CSNK1G1: variants seen among roughly 807,000 people sequenced by gnomAD.
The protein encoded by CSNK1G1 is casein kinase 1 gamma 1.
In CSNK1G1, 22 loss-of-function variants were observed where a neutral mutation model predicts 59.6. The observed-to-expected ratio is 0.37, with a 90% CI of 0.26 to 0.53. The LOEUF (loss-of-function observed/expected upper bound fraction) is 0.53. CSNK1G1 is among the 20% of genes least tolerant of loss of function. The pLI is 0.89. For synonymous variants in CSNK1G1, 179 were observed against 177.1 expected (o/e 1.01, Z -0.08); for missense variants, 384 against 519.5 (o/e 0.74, Z 2.54).
intron 1 of CSNK1G1, among the ~76,000 whole-genome samples, chr15:64,306,958 T>C (rs1391894017): frequency 1.8e-5 from 2 of 113,272 alleles, no homozygotes; most frequent in African/African-American, 3.4e-5. Flanking sequence ...AAAAGATCAA[T>C]GGTTGCCAGA....
At chr15:64,343,056 T>C (rs1897756760) in intron 1 of CSNK1G1, among the ~76,000 whole-genome samples, 1 of 152,038 alleles carries the variant, frequency 6.6e-6, no homozygotes. Flanking sequence ...CTATTAAAAA[T>C]ACAAAATTAG....
intron 2 of CSNK1G1, among the ~76,000 whole-genome samples, chr15:64,271,878 G>C (rs1249006354): frequency 6.6e-6 from 1 of 152,056 alleles, no homozygotes; most frequent in East Asian, 1.9e-4. Context: ...TTATTGTGTG[G>C]GAGTCTACAT....
At chr15:64,306,023 C>A (rs1241559827) in intron 1 of CSNK1G1, among the ~76,000 whole-genome samples, 1 of 152,068 alleles carries the variant, frequency 6.6e-6, no homozygotes, top group East Asian at 1.9e-4. Flanking sequence ...ATGTAAAACA[C>A]AAAATGATAA....
chr15:64,177,087 G>A (rs1209634113), intron 11 of CSNK1G1, among the ~76,000 whole-genome samples: 1 of 152,132 alleles, frequency 6.6e-6, no homozygotes. Context: ...GAGAAAAAGG[G>A]AATTCACATG....
At chr15:64,224,480 A>G (rs576407122) in intron 4 of CSNK1G1, among the ~76,000 whole-genome samples, 1 of 152,332 alleles carries the variant, frequency 6.6e-6, no homozygotes. Flanking sequence ...GAAACAATGC[A>G]TTATTACAAA....
chr15:64,345,098 G>T (rs571113253), intron 1 of CSNK1G1, among the ~76,000 whole-genome samples: 2 of 152,172 alleles, frequency 1.3e-5, no homozygotes, highest in Non-Finnish European at 2.9e-5. Flanking sequence ...ATATTTAGAT[G>T]TCATTATACC....
intron 1 of CSNK1G1, among the ~76,000 whole-genome samples, chr15:64,311,968 T>C (rs1418385967): frequency 2.0e-5 from 3 of 152,036 alleles, no homozygotes; most frequent in African/African-American, 4.8e-5. Flanking sequence ...AATATACCAA[T>C]AGCAAGAGAG....
At chr15:64,269,723 A>G (rs1188008647) in intron 2 of CSNK1G1, among the ~76,000 whole-genome samples, 4 of 151,828 alleles carry the variant, frequency 2.6e-5, no homozygotes, top group African/African-American at 7.3e-5. Flanking sequence ...TGAACTCCTG[A>G]CCTCAGGTGA....
chr15:64,204,093 A>T (rs2082145569), intron 9 of CSNK1G1, among the ~76,000 whole-genome samples: 1 of 151,280 alleles, frequency 6.6e-6, no homozygotes, highest in Admixed American at 6.6e-5. Context: ...CAGTGAGCCG[A>T]GATTGGCGCC....
chr15:64,187,611 G>C (rs932932539), intron 10 of CSNK1G1, among the ~76,000 whole-genome samples: 2 of 152,156 alleles, frequency 1.3e-5, no homozygotes, highest in Non-Finnish European at 2.9e-5. Context: ...GCATATCCTA[G>C]ATGATCAAGG....
chr15:64,315,655 TC>T (rs1230858821), intron 1 of CSNK1G1: 1 of 152,196 alleles, frequency 6.6e-6, no homozygotes, highest in Non-Finnish European at 1.5e-5. Flanking sequence ...TGAGCCCTCC[TC>T]CCTTCTGCCA....
At chr15:64,314,313 CT>C (rs1272765894) in intron 1 of CSNK1G1, among the ~76,000 whole-genome samples, 1 of 151,854 alleles carries the variant, frequency 6.6e-6, no homozygotes, top group Non-Finnish European at 1.5e-5. Flanking sequence ...GGTGGGAAGC[CT>C]TTTATTAGAA....
intron 4 of CSNK1G1, among the ~76,000 whole-genome samples, chr15:64,251,210 G>A (rs1892062115): frequency 6.6e-6 from 1 of 152,108 alleles, no homozygotes; most frequent in Non-Finnish European, 1.5e-5. Context: ...TTTGGTATAA[G>A]TAAAGAAAAG....
chr15:64,304,382 T>TA (rs1895547686), intron 1 of CSNK1G1, among the ~76,000 whole-genome samples: 1 of 17,258 alleles, frequency 5.8e-5, no homozygotes, highest in African/African-American at 1.8e-4. Flanking sequence ...AAACTCCACC[T>TA]CAAAAAAAAA....
At chr15:64,290,278 G>A (rs938938120) in intron 2 of CSNK1G1, among the ~76,000 whole-genome samples, 3 of 151,276 alleles carry the variant, frequency 2.0e-5, no homozygotes, top group African/African-American at 7.3e-5. Context: ...CCAAAAATAC[G>A]GAAACAAGTG....
chr15:64,188,441 G>C lies in CSNK1G1; in HGVS notation c.1108-7987C>G. On this transcript the variant is annotated intron_variant, in intron 10 of 11. Transcript: ENST00000303052. This position sits in a 1 kb window ranked among gnomAD's most constrained non-coding sequence, Gnocchi z 4.2. ...TTAGGTATGAGGTATTGGTCTGCCG[G>C]CTGGGCTGAATTTCCCACTCTCCTC... The C allele has an allele frequency of 6.5e-7, 1 of 1,536,164 alleles. No individual in the cohort carries two copies. The highest frequency in any genetic ancestry group is 2.4e-5 in the East Asian group (1 of 40,926).
intron 4 of CSNK1G1, among the ~76,000 whole-genome samples, chr15:64,246,642 G>C (rs888185303): frequency 3.1e-5 from 4 of 128,892 alleles, no homozygotes; most frequent in Non-Finnish European, 6.2e-5. Context: ...AAAAAAAAGG[G>C]GGGGGGGGAG....
chr15:64,288,855 A>G (rs1356882653), intron 2 of CSNK1G1, among the ~76,000 whole-genome samples: 1 of 152,052 alleles, frequency 6.6e-6, no homozygotes, highest in African/African-American at 2.4e-5. Flanking sequence ...TCTGTTGCCC[A>G]TAACCATCCT....
intron 1 of CSNK1G1, among the ~76,000 whole-genome samples, chr15:64,329,184 T>A (rs1298603185): frequency 6.6e-6 from 1 of 152,016 alleles, no homozygotes; most frequent in Non-Finnish European, 1.5e-5. Context: ...CTAACAGACA[T>A]CTACAGAACT....
Sources: allele counts gnomAD v4.1 joint callset (sites outside exome capture counted in the v4.1 genomes callset), GRCh38; gene constraint gnomAD v4.1.1; non-coding constraint Gnocchi (gnomAD v3.1); transcripts MANE v1.5; gene names NCBI Gene and HGNC (gene_info 2026-07-23, HGNC 2026-07-21).